DNAJC5B: variants seen among roughly 807,000 people sequenced by gnomAD.
DNAJC5B encodes dnaJ homolog subfamily C member 5B.
A neutral mutation model predicts 24.7 loss-of-function variants in DNAJC5B; 23 were observed. The ratio of observed to expected loss-of-function variants is 0.93; its 90% CI spans 0.67 to 1.32. The LOEUF is 1.32. Ranked by LOEUF, DNAJC5B falls within the 40% of genes most tolerant of loss-of-function variation. The probability of loss-of-function intolerance (pLI) is 0.00; values close to 1 mark genes in which losing one functional copy is unlikely to be tolerated. For missense variants in DNAJC5B, 238 were observed against 240.8 expected (o/e 0.99, Z 0.08); for synonymous variants, 101 against 90.1 (o/e 1.12, Z -0.68).
intron 5 of DNAJC5B, among the ~76,000 whole-genome samples, chr8:66,086,486 A>G (rs1807726490): frequency 6.6e-6 from 1 of 152,204 alleles, no homozygotes; most frequent in South Asian, 2.1e-4. Context: ...TTGCCAACAG[A>G]AATTTTTCTT....
upstream of DNAJC5B, among the ~76,000 whole-genome samples, chr8:66,017,834 C>T (rs1805994454): frequency 6.6e-6 from 1 of 152,126 alleles, no homozygotes; most frequent in Non-Finnish European, 1.5e-5. Context: ...TTGAAGTATC[C>T]TGAATGGATG....
At chr8:66,098,335 T>C (rs1807999401) in intron 5 of DNAJC5B, among the ~76,000 whole-genome samples, 6 of 152,166 alleles carry the variant, frequency 3.9e-5, no homozygotes, top group Admixed American at 3.9e-4. Context: ...TCCTGAATAC[T>C]GGGACCACAG....
intron 1 of DNAJC5B, among the ~76,000 whole-genome samples, chr8:66,039,286 A>G (rs1473258491): frequency 6.6e-6 from 1 of 150,762 alleles, no homozygotes; most frequent in East Asian, 1.9e-4. Flanking sequence ...AATTCACTCA[A>G]CCTCCTCAAT....
Position 66,080,542 on chromosome 8 carries a change from G to C in DNAJC5B, c.499G>C (p.Glu167Gln). Residue 167 changes from glutamate to glutamine, a missense_variant, in exon 5 of 6, where the codon GAA (glutamate) becomes CAA (glutamine). Coordinates refer to ENST00000276570, the MANE Select transcript of DNAJC5B (RefSeq NM_033105.6). ...GGAGGAGCAGATCAAGTCTGACATG[G>C]AAAAAGGTGGGGTAGGATGAGAGCA... The part of the protein sequence containing the change: ...DLEEQIKSDM[E>Q]KDVDFPVFLQ... 1.9e-6 allele frequency: 3 copies of C among 1,605,432 alleles called. No individual in the cohort carries two copies. The highest frequency in any genetic ancestry group is 2.6e-6 in the Non-Finnish European group (3 of 1,175,916).
At chr8:66,088,677 C>G (rs951738569) in intron 5 of DNAJC5B, among the ~76,000 whole-genome samples, 1 of 152,156 alleles carries the variant, frequency 6.6e-6, no homozygotes, top group African/African-American at 2.4e-5. Flanking sequence ...ACCAGATACC[C>G]TAAATCATCT....
chr8:66,021,340 A>G (rs1484986827), upstream of DNAJC5B, among the ~76,000 whole-genome samples: 1 of 152,176 alleles, frequency 6.6e-6, no homozygotes, highest in East Asian at 1.9e-4. Context: ...ATGACCTGCA[A>G]AGGGATTCTT....
At chr8:66,048,505 T>C (rs1806774083) in intron 2 of DNAJC5B, among the ~76,000 whole-genome samples, 1 of 152,040 alleles carries the variant, frequency 6.6e-6, no homozygotes, top group African/African-American at 2.4e-5. Flanking sequence ...CTCTAAGTTC[T>C]CCCCCAGAGG....
chr8:66,050,828 T>C lies in DNAJC5B; in HGVS notation c.-17-703T>C, dbSNP rs941987016. 2.6e-5 allele frequency among the ~76,000 whole-genome samples: 4 copies of C among 152,262 alleles called. No individual in the cohort carries two copies. In the East Asian group the frequency reaches 7.7e-4, roughly 29 times the overall value. The stretch of plus-strand genomic sequence containing the variant: ...TTGAATTATTATGTTGATTTGTTCA[T>C]TTATTTGACAAATAAAAATTGTGTA... On this transcript the variant is annotated intron_variant, in intron 2 of 5. Coordinates refer to ENST00000276570, the MANE Select transcript of DNAJC5B (RefSeq NM_033105.6).
At chr8:66,072,480 C>T (rs1300942594) in intron 3 of DNAJC5B, among the ~76,000 whole-genome samples, 2 of 152,050 alleles carry the variant, frequency 1.3e-5, no homozygotes, top group East Asian at 3.9e-4. Flanking sequence ...ACACATGTAA[C>T]ATTTATAAAA....
intron 1 of DNAJC5B, among the ~76,000 whole-genome samples, chr8:66,032,206 G>A (rs1806374184): frequency 6.6e-6 from 1 of 152,224 alleles, no homozygotes; most frequent in South Asian, 2.1e-4. Context: ...CTGCCTCCCA[G>A]CACTGGTGCT....
chr8:66,029,649 CAG>C (rs1050318636), intron 1 of DNAJC5B, among the ~76,000 whole-genome samples: 5 of 152,120 alleles, frequency 3.3e-5, no homozygotes, highest in African/African-American at 1.2e-4. Flanking sequence ...ATTCAAGAAA[CAG>C]AGGAAGAGAG....
At chr8:66,062,799 C>T (rs1807112685) in intron 3 of DNAJC5B, among the ~76,000 whole-genome samples, 1 of 152,120 alleles carries the variant, frequency 6.6e-6, no homozygotes, top group Admixed American at 6.5e-5. Context: ...TGCACACCAG[C>T]CTGGGTGACA....
Position 66,043,513 on chromosome 8 carries a change from T to C in DNAJC5B, c.-116T>C, listed in dbSNP as rs1027123272. The C allele has an allele frequency of 2.6e-5, 4 of 152,216 alleles. No individual in the cohort carries two copies. The highest frequency in any genetic ancestry group is 9.7e-5 in the African/African-American group (4 of 41,450). 9.4% of individuals were successfully genotyped at this position (152,216 alleles called of 1,614,324 possible). A position where few individuals can be genotyped will look rare whatever the true frequency, so the allele number is the denominator to read the frequency against. ...AGGGATAACCAATTGGCTGGCAAAGTAACAAATGAAAAGTAACCTGACTCT... is the reference window on the plus strand; with the variant it reads ...AGGGATAACCAATTGGCTGGCAAAGCAACAAATGAAAAGTAACCTGACTCT... On this transcript the variant is annotated 5_prime_UTR_variant, in exon 2 of 6. Coordinates refer to ENST00000276570, the MANE Select transcript of DNAJC5B (RefSeq NM_033105.6).
At chr8:66,081,629 A>G (rs912275993) in intron 5 of DNAJC5B, among the ~76,000 whole-genome samples, 6 of 152,140 alleles carry the variant, frequency 3.9e-5, no homozygotes, top group Admixed American at 3.9e-4. Flanking sequence ...AGTGTTAAGT[A>G]ATATCCAGGT....
chr8:66,028,544 C>G (rs1431556178), intron 1 of DNAJC5B, among the ~76,000 whole-genome samples: 1 of 152,214 alleles, frequency 6.6e-6, no homozygotes, highest in Non-Finnish European at 1.5e-5. Context: ...ACCTGTTCCC[C>G]CTTTGTGATT....
At chr8:66,051,405 T>C in intron 2 of DNAJC5B, 126 bp from the exon 3 acceptor site, 2 of 656,038 alleles carry the variant, frequency 3.0e-6, no homozygotes, top group South Asian at 3.8e-5. Flanking sequence ...TCTCCCCTCT[T>C]TTTGTAGTTG....
intron 3 of DNAJC5B, among the ~76,000 whole-genome samples, chr8:66,055,990 C>G (rs917933700): frequency 6.6e-6 from 1 of 152,074 alleles, no homozygotes; most frequent in Non-Finnish European, 1.5e-5. Flanking sequence ...AACTTCCAGT[C>G]TAAGAAAGAT....
intron 3 of DNAJC5B, among the ~76,000 whole-genome samples, chr8:66,063,076 C>T (rs1807120357): frequency 6.6e-6 from 1 of 152,212 alleles, no homozygotes. Flanking sequence ...GTCTCTGTGT[C>T]TCATGAATAA....
At chr8:66,034,176 TTGTGTGTGTGTGTG>T (rs60916429) in intron 1 of DNAJC5B, among the ~76,000 whole-genome samples, 1 of 144,190 alleles carries the variant, frequency 6.9e-6, no homozygotes, top group East Asian at 2.0e-4. Flanking sequence ...TGTTGTTGTT[TTGTGTGTGTGTGTG>T]TGTGTGTGTG....
Sources: gnomAD v4.1 joint callset for allele counts (sites outside exome capture counted in the v4.1 genomes callset) on GRCh38, gnomAD v4.1.1 for gene constraint, MANE v1.5 for transcripts, NCBI Gene and HGNC (gene_info 2026-07-23, HGNC 2026-07-21) for gene names.